Variants in GPC6 observed in about 807,000 individuals in gnomAD.
The protein encoded by GPC6 is glypican-6.
In GPC6, 14 loss-of-function variants were observed where a neutral mutation model predicts 55.2. The ratio of observed to expected loss-of-function variants is 0.25; its 90% CI spans 0.17 to 0.40. The LOEUF (loss-of-function observed/expected upper bound fraction) is 0.40. Ranked by LOEUF, GPC6 falls within the 10% of genes least tolerant of loss-of-function variation. The pLI, the probability that GPC6 is intolerant of heterozygous loss-of-function variation, is 1.00. For synonymous variants in GPC6, 278 were observed against 259.6 expected, an observed-to-expected ratio of 1.07 and a Z score of -0.68; for missense variants, 641 against 708.5, an observed-to-expected ratio of 0.90 and a Z score of 1.08.
At chr13:93,745,201 G>A (rs1884358332) in intron 2 of GPC6, among the ~76,000 whole-genome samples, 1 of 152,008 alleles carries the variant, frequency 6.6e-6, no homozygotes, top group Non-Finnish European at 1.5e-5. Flanking sequence ...GACTTCCTTT[G>A]TTTGTAATTT....
intron 4 of GPC6, among the ~76,000 whole-genome samples, chr13:94,080,421 G>GA (rs1885060194): frequency 6.6e-6 from 1 of 152,042 alleles, no homozygotes; most frequent in African/African-American, 2.4e-5. Context: ...TATTAATCTG[G>GA]AAAAATCATT....
rs1877642655 is a variant in GPC6, at chr13:93,438,130, T to C, written c.161-107133T>C. On this transcript the variant is annotated intron_variant, in intron 1 of 8. Transcript: ENST00000377047. ...CTGAGACCTACTGCTCAGAAAAAAGTATTATTTTCAAAGTATTACTGCTCA... is the reference window on the plus strand; with the variant it reads ...CTGAGACCTACTGCTCAGAAAAAAGCATTATTTTCAAAGTATTACTGCTCA... Among the ~76,000 whole-genome samples, 4 of 152,126 alleles carry C rather than the reference T, an allele frequency of 2.6e-5. No homozygotes were observed. In the South Asian group the frequency reaches 8.3e-4, roughly 31 times the overall value.
At chr13:93,912,015 A>G (rs1204452952) in intron 3 of GPC6, among the ~76,000 whole-genome samples, 2 of 152,200 alleles carry the variant, frequency 1.3e-5, no homozygotes, top group African/African-American at 4.8e-5. Flanking sequence ...TCCAGATGAC[A>G]GAGACTAGAA....
intron 1 of GPC6, among the ~76,000 whole-genome samples, chr13:93,292,270 T>C (rs1161260106): frequency 6.6e-6 from 1 of 152,180 alleles, no homozygotes; most frequent in East Asian, 1.9e-4. Context: ...TTCCAGTGAA[T>C]GTGTAACTTC....
intron 3 of GPC6, among the ~76,000 whole-genome samples, chr13:93,943,322 A>T: frequency 6.6e-6 from 1 of 152,272 alleles, no homozygotes; most frequent in Non-Finnish European, 1.5e-5. Context: ...AGTCAAAATC[A>T]AATGGCTCAA....
rs1193715847 is a variant in GPC6 at position 93,816,725 on chromosome 13, AG to A, written c.320-13427del. Reference sequence around the variant, plus strand: ...TTTTGGAAAATTAGACAATGTACAGAGGAAAAAAAAACACAAACTATATTCT... The same window carrying A: ...TTTTGGAAAATTAGACAATGTACAGAGAAAAAAAAACACAAACTATATTCT... On this transcript the variant is annotated intron_variant, in intron 2 of 8. Coordinates refer to ENST00000377047, the MANE Select transcript of GPC6 (RefSeq NM_005708.5). 3.3e-5 allele frequency among the ~76,000 whole-genome samples: 5 copies of A among 152,014 alleles called. No homozygotes were observed. The East Asian group carries it at 9.7e-4, about 29-fold the overall frequency.
At chr13:94,119,447 G>C (rs372649338) in intron 4 of GPC6, among the ~76,000 whole-genome samples, 3 of 151,328 alleles carry the variant, frequency 2.0e-5, no homozygotes, top group African/African-American at 7.4e-5. Flanking sequence ...TGAAGGCGGT[G>C]AAGGAGCAAT....
intron 3 of GPC6, among the ~76,000 whole-genome samples, chr13:93,878,488 C>T (rs1008202167): frequency 2.2e-4 from 33 of 152,202 alleles, no homozygotes; most frequent in Admixed American, 2.2e-3. Context: ...AAGTGATTCT[C>T]CTGCCTCAGC....
intron 4 of GPC6, among the ~76,000 whole-genome samples, chr13:94,229,809 C>A (rs1890667439): frequency 6.6e-6 from 1 of 152,206 alleles, no homozygotes; most frequent in Non-Finnish European, 1.5e-5. Flanking sequence ...AACTCACAAA[C>A]AGAAAAGCAT....
At chr13:94,254,353 A>G (rs2139041769) in intron 4 of GPC6, among the ~76,000 whole-genome samples, 1 of 152,178 alleles carries the variant, frequency 6.6e-6, no homozygotes, top group South Asian at 2.1e-4. Context: ...CTGGATTGAG[A>G]TTTTGTTTGC....
intron 2 of GPC6, among the ~76,000 whole-genome samples, chr13:93,691,423 T>C (rs1414772605): frequency 6.6e-6 from 1 of 151,796 alleles, no homozygotes; most frequent in Non-Finnish European, 1.5e-5. Flanking sequence ...TTTAAACTCC[T>C]CTGTATTTAT....
chr13:93,234,883 C>T (rs1038853155), intron 1 of GPC6, among the ~76,000 whole-genome samples: 1 of 152,088 alleles, frequency 6.6e-6, no homozygotes, highest in Non-Finnish European at 1.5e-5. Context: ...ATCAGTGTCA[C>T]TGAGAGAAAG....
chr13:93,789,611 AT>A lies in GPC6; in HGVS notation c.320-40542del, dbSNP rs1345314620. Among the ~76,000 whole-genome samples the A allele has an allele frequency of 1.9e-3, 25 of 13,418 alleles. 1 individual carries two copies. The highest frequency in any genetic ancestry group is 0.022 in the Middle Eastern group (1 of 46). The allele number at this position is 13,418 out of a possible 152,430, so 8.8% of individuals were successfully genotyped here. A position where few individuals can be genotyped will look rare whatever the true frequency, so the allele number is the denominator to read the frequency against. On this transcript the variant is annotated intron_variant, in intron 2 of 8. Coordinates refer to ENST00000377047, the MANE Select transcript of GPC6 (RefSeq NM_005708.5). ...TATATAATACTACATATATATATAT[AT>A]ATATATATATATATATATATATATA...
intron 2 of GPC6, among the ~76,000 whole-genome samples, chr13:93,664,703 C>T (rs1881062296): frequency 1.3e-5 from 2 of 152,182 alleles, no homozygotes; most frequent in South Asian, 4.2e-4. Flanking sequence ...CTGCAACCTG[C>T]ACCTCCCGGG....
At chr13:93,757,971 C>A (rs1825539648) in intron 2 of GPC6, among the ~76,000 whole-genome samples, 1 of 152,172 alleles carries the variant, frequency 6.6e-6, no homozygotes, top group Admixed American at 6.6e-5. Flanking sequence ...TAAAGTTGTG[C>A]TATTCTAAAT....
At chr13:94,139,647 T>A (rs931242175) in intron 4 of GPC6, among the ~76,000 whole-genome samples, 11 of 152,320 alleles carry the variant, frequency 7.2e-5, no homozygotes, top group African/African-American at 2.6e-4. Context: ...GACATTTAGC[T>A]TTAACCATGG....
At chr13:93,877,425 A>G (rs1874654616) in intron 3 of GPC6, among the ~76,000 whole-genome samples, 1 of 149,150 alleles carries the variant, frequency 6.7e-6, no homozygotes, top group Non-Finnish European at 1.5e-5. Context: ...TTAGACATTT[A>G]AAAATAAACA....
chr13:93,657,192 T>G lies in GPC6; in HGVS notation c.319+111771T>G, dbSNP rs1199376683. On this transcript the variant is annotated intron_variant, in intron 2 of 8. Coordinates refer to ENST00000377047, the MANE Select transcript of GPC6 (RefSeq NM_005708.5). ...AGTTTGAGACATGCATTACCCAACT[T>G]CAAACTATACTACAAGGTGATAGTA... Among the ~76,000 whole-genome samples, 3 of 152,016 alleles carry G rather than the reference T, an allele frequency of 2.0e-5. 1 individual carries two copies. Among genetic ancestry groups the G allele is most frequent in the Middle Eastern group, 6.3e-3 (2 of 316 alleles).
intron 3 of GPC6, among the ~76,000 whole-genome samples, chr13:94,018,729 G>C (rs1428974525): frequency 6.6e-6 from 1 of 152,186 alleles, no homozygotes; most frequent in Non-Finnish European, 1.5e-5. Context: ...TGTTAGGAAC[G>C]GGTTCACACA....
Sources: gnomAD v4.1 joint callset for allele counts (sites outside exome capture counted in the v4.1 genomes callset) on GRCh38, gnomAD v4.1.1 for gene constraint, MANE v1.5 for transcripts, NCBI Gene and HGNC (gene_info 2026-07-23, HGNC 2026-07-21) for gene names.